RAP1A: variants seen among roughly 807,000 people sequenced by gnomAD.
RAP1A encodes ras-related protein Rap-1A.
A neutral mutation model predicts 26.4 loss-of-function variants in RAP1A; 6 were observed. The observed-to-expected ratio is 0.23, with a 90% CI of 0.12 to 0.45. The LOEUF (loss-of-function observed/expected upper bound fraction) is 0.45. RAP1A is among the 20% of genes least tolerant of loss of function. The pLI, the probability that RAP1A is intolerant of heterozygous loss-of-function variation, is 0.99. For synonymous variants in RAP1A, 73 were observed against 79.4 expected (o/e 0.92, Z 0.43); for missense variants, 121 against 217.2 (o/e 0.56, Z 2.78).
chr1:111,611,994 G>T (rs1425566373), intron 1 of RAP1A, among the ~76,000 whole-genome samples: 3 of 148,576 alleles, frequency 2.0e-5, no homozygotes, highest in Non-Finnish European at 4.4e-5. Flanking sequence ...TGTTTAATTT[G>T]CAGTTTACAC....
chr1:111,565,479 G>A (rs888006953), intron 1 of RAP1A, among the ~76,000 whole-genome samples: 1 of 152,214 alleles, frequency 6.6e-6, no homozygotes, highest in African/African-American at 2.4e-5. Context: ...TACTGCAAGA[G>A]GGTTAAGCCC....
At chr1:111,632,125 GT>G (rs1322152466) in intron 1 of RAP1A, among the ~76,000 whole-genome samples, 1 of 151,846 alleles carries the variant, frequency 6.6e-6, no homozygotes, top group East Asian at 1.9e-4. Context: ...GCATGTGTTT[GT>G]TTCTGTCTTC....
chr1:111,691,495 G>A (rs1357360566), intron 2 of RAP1A, 78 bp downstream of exon 2: 2 of 1,318,986 alleles, frequency 1.5e-6, no homozygotes, highest in African/African-American at 2.9e-5. Flanking sequence ...CAGACTTCTA[G>A]ATGCCAAAGA....
At chr1:111,622,309 C>G (rs940519317) in intron 1 of RAP1A, among the ~76,000 whole-genome samples, 2 of 152,210 alleles carry the variant, frequency 1.3e-5, no homozygotes, top group Non-Finnish European at 2.9e-5. Flanking sequence ...GGCCTACAAG[C>G]CTTACAGCTG....
At chr1:111,591,533 TTA>T (rs1658471731) in intron 1 of RAP1A, among the ~76,000 whole-genome samples, 1 of 152,230 alleles carries the variant, frequency 6.6e-6, no homozygotes, top group South Asian at 2.1e-4. Context: ...TTATCTAACT[TTA>T]GTTATAATTT....
chr1:111,551,870 C>T (rs1489765212), intron 1 of RAP1A, among the ~76,000 whole-genome samples: 1 of 152,124 alleles, frequency 6.6e-6, no homozygotes, highest in Non-Finnish European at 1.5e-5. Flanking sequence ...CCTTCACTTA[C>T]TGTTTGCTCA....
chr1:111,696,979 A>G (rs1364525947), intron 3 of RAP1A, among the ~76,000 whole-genome samples: 1 of 152,104 alleles, frequency 6.6e-6, no homozygotes, highest in Non-Finnish European at 1.5e-5. Context: ...ATTTTAGTAA[A>G]ATTTTAACAA....
At chr1:111,641,220 T>C (rs1472791014) in intron 1 of RAP1A, among the ~76,000 whole-genome samples, 2 of 152,232 alleles carry the variant, frequency 1.3e-5, no homozygotes, top group Non-Finnish European at 2.9e-5. Flanking sequence ...ACAAGAAGAC[T>C]AGTTCTATAT....
chr1:111,655,459 A>G (rs1037067389), intron 1 of RAP1A, among the ~76,000 whole-genome samples: 1 of 152,030 alleles, frequency 6.6e-6, no homozygotes, highest in African/African-American at 2.4e-5. Context: ...CACATGACTG[A>G]TAAATATTTG....
chr1:111,595,847 T>C (rs1438381604), intron 1 of RAP1A, among the ~76,000 whole-genome samples: 1 of 152,186 alleles, frequency 6.6e-6, no homozygotes, highest in African/African-American at 2.4e-5. Context: ...AAAATATAGT[T>C]CCCGAGCATA....
chr1:111,689,898 G>A lies in RAP1A; in HGVS notation c.-27-1436G>A, dbSNP rs371110796. Among the ~76,000 whole-genome samples the A allele has an allele frequency of 1.1e-3, 163 of 152,170 alleles. 1 individual carries two copies. Among genetic ancestry groups the A allele is most frequent in the African/African-American group, 3.8e-3 (159 of 41,514 alleles). On this transcript the variant is annotated intron_variant, in intron 1 of 7. Coordinates refer to ENST00000369709, the MANE Select transcript of RAP1A (RefSeq NM_002884.4). ...TCACCATGGTAGCCAGGATGGTCTC[G>A]ATCTCCTGACCTCGTGATCCACCCG...
intron 1 of RAP1A, among the ~76,000 whole-genome samples, chr1:111,592,641 TCTCTGTTGTGGGAGAA>T (rs1658490740): frequency 6.6e-6 from 1 of 152,190 alleles, no homozygotes; most frequent in Non-Finnish European, 1.5e-5. Context: ...GAACACACCA[TCTCTGTTGTGGGAGAA>T]CTCTGGGGTA....
chr1:111,588,320 C>A (rs1392322136), intron 1 of RAP1A, among the ~76,000 whole-genome samples: 1 of 152,212 alleles, frequency 6.6e-6, no homozygotes, highest in Admixed American at 6.5e-5. Flanking sequence ...TCATAGTGGG[C>A]TGCTGGGTGT....
upstream of RAP1A, among the ~76,000 whole-genome samples, chr1:111,616,802 GATC>G (rs1367568468): frequency 3.9e-5 from 6 of 152,142 alleles, no homozygotes; most frequent in Admixed American, 3.9e-4. Flanking sequence ...TTTAATGTAT[GATC>G]ATCAACTCAA....
intron 1 of RAP1A, among the ~76,000 whole-genome samples, chr1:111,593,299 C>A (rs1331650520): frequency 6.6e-6 from 1 of 152,190 alleles, no homozygotes; most frequent in Non-Finnish European, 1.5e-5. Flanking sequence ...CAAGTTGCTG[C>A]AAAGCTGCTA....
At chr1:111,646,056 T>C (rs1660055327) in intron 1 of RAP1A, among the ~76,000 whole-genome samples, 2 of 152,250 alleles carry the variant, frequency 1.3e-5, no homozygotes, top group African/African-American at 4.8e-5. Flanking sequence ...CCAGGAATTC[T>C]TTCAGAAGCA....
chr1:111,643,913 G>T (rs1386702257), intron 1 of RAP1A, among the ~76,000 whole-genome samples: 2 of 152,186 alleles, frequency 1.3e-5, no homozygotes, highest in Admixed American at 1.3e-4. Flanking sequence ...TATATGGCAG[G>T]CCAACACATT....
intron 1 of RAP1A, among the ~76,000 whole-genome samples, chr1:111,686,378 C>A (rs572760446): frequency 1.3e-5 from 2 of 152,082 alleles, no homozygotes; most frequent in Admixed American, 6.5e-5. Context: ...GCGTCTTGAG[C>A]CTTACTTAAT....
At chr1:111,592,931 C>T (rs1304792423) in intron 1 of RAP1A, among the ~76,000 whole-genome samples, 1 of 152,136 alleles carries the variant, frequency 6.6e-6, no homozygotes, top group Non-Finnish European at 1.5e-5. Context: ...ACAAATGAGT[C>T]ACCACACTTC....
Sources: gnomAD v4.1 joint callset for allele counts (sites outside exome capture counted in the v4.1 genomes callset) on GRCh38, gnomAD v4.1.1 for gene constraint, MANE v1.5 for transcripts, NCBI Gene and HGNC (gene_info 2026-07-23, HGNC 2026-07-21) for gene names.